The following SLC12A6 variants were observed in gnomAD, a reference collection of about 807,000 sequenced individuals.
SLC12A6 encodes K-Cl cotransporter 3.
In SLC12A6, 66 loss-of-function variants were observed where a neutral mutation model predicts 135.3. That is an observed-to-expected ratio of 0.49 (90% CI 0.40 to 0.60). SLC12A6 has a LOEUF of 0.60. SLC12A6 is among the 20% of genes least tolerant of loss of function. The probability of loss-of-function intolerance (pLI) is 0.00; values close to 1 mark genes in which losing one functional copy is unlikely to be tolerated. For synonymous variants in SLC12A6, 513 were observed against 508.8 expected, an observed-to-expected ratio of 1.01 and a Z score of -0.11; for missense variants, 1,058 against 1,452.3, an observed-to-expected ratio of 0.73 and a Z score of 4.41.
chr15:34,256,467 A>G (rs977842387), intron 6 of SLC12A6, among the ~76,000 whole-genome samples, 184 bp from the exon 7 acceptor site: 1 of 152,208 alleles, frequency 6.6e-6, no homozygotes, highest in Non-Finnish European at 1.5e-5. Flanking sequence ...TCATACCACT[A>G]ATATCTGGAG....
At position 34,235,151 on chromosome 15, in the gene SLC12A6, T is replaced by C. The variant is rs560558267; in HGVS notation, c.3361+30A>G. ...AGAAAGAGGTTAAGGAGATTTTCCCTACTGGAAGCCCCACTCTTGGAAAGG... is the reference window on the plus strand; with the variant it reads ...AGAAAGAGGTTAAGGAGATTTTCCCCACTGGAAGCCCCACTCTTGGAAAGG... On this transcript the variant is annotated intron_variant, in intron 25 of 25. Coordinates refer to ENST00000354181, the MANE Select transcript of SLC12A6 (RefSeq NM_001365088.1). The C allele has an allele frequency of 3.8e-4, 608 of 1,605,940 alleles. 6 individuals carry two copies. The South Asian group carries it at 5.2e-3, about 14-fold the overall frequency.
intron 22 of SLC12A6, 96 bp from the exon 23 acceptor site, chr15:34,236,911 A>C: frequency 1.3e-6 from 1 of 758,254 alleles, no homozygotes; most frequent in East Asian, 2.5e-5. Flanking sequence ...TAAACCAGGG[A>C]CAGCATCACT....
At chr15:34,292,776 T>C (rs1895628632) in intron 2 of SLC12A6, among the ~76,000 whole-genome samples, 1 of 152,164 alleles carries the variant, frequency 6.6e-6, no homozygotes, top group Non-Finnish European at 1.5e-5. Context: ...CAGACTGCTG[T>C]GCTAGCAGCT....
intron 2 of SLC12A6, among the ~76,000 whole-genome samples, chr15:34,290,502 G>A (rs1054612178): frequency 6.6e-6 from 1 of 152,304 alleles, no homozygotes; most frequent in South Asian, 2.1e-4. Context: ...GGTTCACTTG[G>A]TGCAGAGCTG....
At position 34,274,005 on chromosome 15, in the gene SLC12A6, A is replaced by C. The variant is rs187291104; in HGVS notation, c.316+1340T>G. The stretch of plus-strand genomic sequence containing the variant: ...AATTCCACTGTTAGGAATTTACCCT[A>C]CAAATATACTGGCATTAAGACTGAT... On this transcript the variant is annotated intron_variant, in intron 3 of 25. Coordinates refer to ENST00000354181, the MANE Select transcript of SLC12A6 (RefSeq NM_001365088.1). Among the ~76,000 whole-genome samples, 251 of 152,324 alleles carry C rather than the reference A, an allele frequency of 1.6e-3. 1 individual carries two copies. Among genetic ancestry groups the C allele is most frequent in the Non-Finnish European group, 2.6e-3 (177 of 68,024 alleles).
intron 13 of SLC12A6, 145 bp downstream of exon 13, chr15:34,250,153 C>T: frequency 1.4e-6 from 1 of 722,376 alleles, no homozygotes; most frequent in Non-Finnish European, 2.6e-6. Flanking sequence ...AATCCACCTG[C>T]CTTGGCCTCC....
chr15:34,295,867 G>A (rs375734424), intron 2 of SLC12A6, among the ~76,000 whole-genome samples: 4 of 152,250 alleles, frequency 2.6e-5, no homozygotes, highest in South Asian at 4.1e-4. Flanking sequence ...AGGCATGGTG[G>A]CACATGCGTG....
intron 13 of SLC12A6, 98 bp downstream of exon 13, chr15:34,250,200 T>A (rs1195022890): frequency 1.2e-6 from 1 of 824,750 alleles, no homozygotes; most frequent in African/African-American, 1.7e-5. Context: ...CCACGGTGCC[T>A]GGCTGTGTTG....
chr15:34,302,570 C>CT (rs1192052655), intron 2 of SLC12A6, among the ~76,000 whole-genome samples: 1 of 152,154 alleles, frequency 6.6e-6, no homozygotes, highest in Non-Finnish European at 1.5e-5. Context: ...TGGCGGGAGC[C>CT]TGTAATCCCA....
At chr15:34,258,768 A>C in intron 5 of SLC12A6, 45 bp downstream of exon 5, 1 of 1,533,858 alleles carries the variant, frequency 6.5e-7, no homozygotes, top group Non-Finnish European at 9.0e-7. Context: ...TCTTTCTTAT[A>C]TACAGGGCTC....
intron 2 of SLC12A6, among the ~76,000 whole-genome samples, chr15:34,319,690 T>G (rs1462013615): frequency 2.6e-5 from 4 of 151,152 alleles, no homozygotes; most frequent in African/African-American, 7.3e-5. Context: ...TCCCAGCTGC[T>G]CAGGAAGCTG....
At chr15:34,298,593 G>C (rs1409696189) in intron 2 of SLC12A6, among the ~76,000 whole-genome samples, 2 of 151,918 alleles carry the variant, frequency 1.3e-5, no homozygotes, top group African/African-American at 4.9e-5. Flanking sequence ...GTAGAAAAAT[G>C]GGTGGGGGGA....
At chr15:34,284,272 C>CTTTTCT (rs1566838382) in intron 2 of SLC12A6, among the ~76,000 whole-genome samples, 12 of 118,980 alleles carry the variant, frequency 1.0e-4, no homozygotes, top group African/African-American at 3.7e-4. Flanking sequence ...TTCTTTGTTT[C>CTTTTCT]TTTTCTTTTT....
chr15:34,281,555 C>A (rs535536186), intron 2 of SLC12A6, among the ~76,000 whole-genome samples: 1 of 140,540 alleles, frequency 7.1e-6, no homozygotes, highest in Admixed American at 6.9e-5. Flanking sequence ...CTTGGGAGGC[C>A]GAGGCGAGTG....
intron 20 of SLC12A6, 168 bp downstream of exon 20, chr15:34,238,797 A>AG: frequency 1.4e-6 from 1 of 731,510 alleles, no homozygotes; most frequent in Non-Finnish European, 2.5e-6. Flanking sequence ...GTGAAGCTGA[A>AG]GGGGGTAGGT....
Position 34,253,497 on chromosome 15 carries a change from A to G in SLC12A6, c.1118+851T>C, listed in dbSNP as rs142081322. 3.2e-3 allele frequency among the ~76,000 whole-genome samples: 490 copies of G among 152,344 alleles called. 1 individual carries two copies. The highest frequency in any genetic ancestry group is 0.011 in the African/African-American group (475 of 41,574). On this transcript the variant is annotated intron_variant, in intron 9 of 25. Coordinates refer to ENST00000354181, the MANE Select transcript of SLC12A6 (RefSeq NM_001365088.1). The stretch of plus-strand genomic sequence containing the variant: ...TAAGATGGAATCTACTTCTGCCATC[A>G]TGCAGCATAGCATAGAAGAAATACT...
chr15:34,279,286 C>T (rs59802332), intron 2 of SLC12A6, among the ~76,000 whole-genome samples: 20,475 of 151,732 alleles, frequency 0.13, 1,503 homozygotes, highest in East Asian at 0.32. Flanking sequence ...TGCACTCCAG[C>T]CTGGGCGACA....
rs933607337 is a variant in SLC12A6 at position 34,230,442 on chromosome 15, A to G, written c.*3439T>C. Reference sequence around the variant, plus strand: ...AGGAATCTGAGGCAACGGAAGATATATAGAGTGATCGTCCCCCTGCCGAAG... The same window carrying G: ...AGGAATCTGAGGCAACGGAAGATATGTAGAGTGATCGTCCCCCTGCCGAAG... On this transcript the variant is annotated 3_prime_UTR_variant, in exon 26 of 26. Transcript: ENST00000354181. 2.6e-5 allele frequency: 4 copies of G among 152,386 alleles called. No homozygotes were observed. Among genetic ancestry groups the G allele is most frequent in the Non-Finnish European group, 4.4e-5 (3 of 68,110 alleles). 9.4% of individuals were successfully genotyped at this position (152,386 alleles called of 1,614,324 possible). A position where few individuals can be genotyped will look rare whatever the true frequency, so the allele number is the denominator to read the frequency against.
chr15:34,335,873 A>T (rs1237624317), intron 2 of SLC12A6, among the ~76,000 whole-genome samples: 1 of 152,142 alleles, frequency 6.6e-6, no homozygotes, highest in Non-Finnish European at 1.5e-5. Flanking sequence ...ACCCACCATC[A>T]CCCTGAGTGG....
Sources: allele counts gnomAD v4.1 joint callset (sites outside exome capture counted in the v4.1 genomes callset), GRCh38; gene constraint gnomAD v4.1.1; transcripts MANE v1.5; gene names NCBI Gene and HGNC (gene_info 2026-07-23, HGNC 2026-07-21).